The following TMEM123 variants were observed in gnomAD, a reference collection of about 807,000 sequenced individuals.
TMEM123 encodes transmembrane protein 123, also known as porimin.
TMEM123 carries 16 observed loss-of-function variants against 19.7 expected under a neutral mutation model. The observed-to-expected ratio is 0.81, with a 90% CI of 0.55 to 1.23. TMEM123 has a LOEUF of 1.23. Ranked by LOEUF, TMEM123 falls within the 50% of genes most tolerant of loss-of-function variation. TMEM123 has a pLI of 0.00. For synonymous variants in TMEM123, 118 were observed against 99.4 expected, an observed-to-expected ratio of 1.19 and a Z score of -1.12; for missense variants, 313 against 257.8, an observed-to-expected ratio of 1.21 and a Z score of -1.47.
At chr11:102,402,853 C>T in intron 2 of TMEM123, among the ~76,000 whole-genome samples, 1 of 152,196 alleles carries the variant, frequency 6.6e-6, no homozygotes, top group South Asian at 2.1e-4. Flanking sequence ...GAAAGTTTTA[C>T]AAGTCCAAAA....
intron 3 of TMEM123, 66 bp from the exon 4 acceptor site, chr11:102,401,758 GCTCT>G (rs900775568): frequency 6.0e-5 from 90 of 1,506,286 alleles, no homozygotes; most frequent in Middle Eastern, 3.8e-4. Flanking sequence ...TGTAATTAAA[GCTCT>G]CTGATTTTCT....
intron 2 of TMEM123, among the ~76,000 whole-genome samples, chr11:102,437,930 A>G (rs973540432): frequency 6.6e-6 from 1 of 152,150 alleles, no homozygotes; most frequent in Non-Finnish European, 1.5e-5. Flanking sequence ...TGCAGGTCTC[A>G]GCTCAGATGA....
At chr11:102,411,377 T>C (rs1423258817) in intron 2 of TMEM123, among the ~76,000 whole-genome samples, 2 of 152,180 alleles carry the variant, frequency 1.3e-5, no homozygotes, top group Non-Finnish European at 2.9e-5. Context: ...ATCTCTTCCA[T>C]TTGGCTGCTC....
At position 102,412,377 on chromosome 11, in the gene TMEM123, G is replaced by A. The variant is rs1482766925; in HGVS notation, c.158-10171C>T. Reference sequence around the variant, plus strand: ...CAGGAGGCGGAGGTTGCAGTGAGCCGAGATCGTACCATTGCACTCCAGCCT... The same window carrying A: ...CAGGAGGCGGAGGTTGCAGTGAGCCAAGATCGTACCATTGCACTCCAGCCT... On this transcript the variant is annotated intron_variant, in intron 2 of 4. Coordinates refer to ENST00000398136, the MANE Select transcript of TMEM123 (RefSeq NM_052932.3). Among the ~76,000 whole-genome samples, 5 of 152,144 alleles carry A rather than the reference G, an allele frequency of 3.3e-5. No homozygotes were observed. In the South Asian group the frequency reaches 6.2e-4, roughly 19 times the overall value.
chr11:102,413,693 A>C (rs1034272313), intron 2 of TMEM123, among the ~76,000 whole-genome samples: 1 of 152,214 alleles, frequency 6.6e-6, no homozygotes. Flanking sequence ...GCCACAGTCA[A>C]ATCAAGGGCA....
intron 2 of TMEM123, among the ~76,000 whole-genome samples, chr11:102,430,939 A>G (rs116567971): frequency 3.9e-5 from 6 of 152,340 alleles, no homozygotes; most frequent in Middle Eastern, 3.4e-3. Flanking sequence ...AGGGACCACT[A>G]AACTAGTGAA....
At chr11:102,426,451 CTT>C (rs140836722) in intron 2 of TMEM123, among the ~76,000 whole-genome samples, 39 of 143,128 alleles carry the variant, frequency 2.7e-4, no homozygotes, top group Non-Finnish European at 2.8e-4. Context: ...TATTTATTAT[CTT>C]TTTTTTTTTT....
Position 102,398,207 on chromosome 11 carries a change from T to G in TMEM123, c.*660A>C, listed in dbSNP as rs1232896296. ...ATCAACATTGAAAGCTCAAAAGAAGTTAATAAAAATATGTGCTCCTTAATG... is the reference window on the plus strand; with the variant it reads ...ATCAACATTGAAAGCTCAAAAGAAGGTAATAAAAATATGTGCTCCTTAATG... On this transcript the variant is annotated 3_prime_UTR_variant, in exon 5 of 5. Transcript: ENST00000398136. 2 of 171,710 alleles carry G rather than the reference T, an allele frequency of 1.2e-5. No homozygotes were observed. The highest frequency in any genetic ancestry group is 4.7e-5 in the African/African-American group (2 of 42,404). The allele number at this position is 171,710 out of a possible 1,614,324, so 10.6% of individuals were successfully genotyped here. A position where few individuals can be genotyped will look rare whatever the true frequency, so the allele number is the denominator to read the frequency against.
rs534135212 is a variant in TMEM123 at position 102,404,669 on chromosome 11, G to A, written c.158-2463C>T. ...CTGGAGGGCCGGTGCCTGCGATCTCGGCTCACTGTAACCTCTGCCTCCCAG... is the reference window on the plus strand; with the variant it reads ...CTGGAGGGCCGGTGCCTGCGATCTCAGCTCACTGTAACCTCTGCCTCCCAG... On this transcript the variant is annotated intron_variant, in intron 2 of 4. Transcript: ENST00000398136. Among the ~76,000 whole-genome samples the A allele has an allele frequency of 2.5e-4, 38 of 152,048 alleles. No homozygotes were observed. In the East Asian group the frequency reaches 4.5e-3, roughly 18 times the overall value.
intron 2 of TMEM123, among the ~76,000 whole-genome samples, chr11:102,431,511 G>A (rs1364715394): frequency 6.6e-6 from 1 of 152,152 alleles, no homozygotes; most frequent in East Asian, 1.9e-4. Context: ...TCTTCTCTGA[G>A]GCTCTGTATC....
intron 2 of TMEM123, among the ~76,000 whole-genome samples, chr11:102,428,329 T>G (rs992149807): frequency 6.6e-6 from 1 of 152,096 alleles, no homozygotes; most frequent in East Asian, 1.9e-4. Flanking sequence ...TGAGATGGAG[T>G]CTCACTCTGT....
rs540530722 is a variant in TMEM123 at position 102,430,768 on chromosome 11, G to C, written c.157+18044C>G. On this transcript the variant is annotated intron_variant, in intron 2 of 4. Coordinates refer to ENST00000398136, the MANE Select transcript of TMEM123 (RefSeq NM_052932.3). Reference sequence around the variant, plus strand: ...TGGCTATACTCTCTTAGCCGCATGAGACAGCCATCTTTCTATAATCAGCTC... The same window carrying C: ...TGGCTATACTCTCTTAGCCGCATGACACAGCCATCTTTCTATAATCAGCTC... Among the ~76,000 whole-genome samples the C allele has an allele frequency of 2.3e-3, 343 of 152,308 alleles. 2 individuals carry two copies. Among genetic ancestry groups the C allele is most frequent in the African/African-American group, 7.7e-3 (320 of 41,554 alleles).
At chr11:102,447,020 C>G (rs1447411296) in intron 2 of TMEM123, among the ~76,000 whole-genome samples, 13 of 152,182 alleles carry the variant, frequency 8.5e-5, no homozygotes, top group Admixed American at 5.9e-4. Flanking sequence ...TAAAAATACA[C>G]AAACTTAACA....
intron 2 of TMEM123, among the ~76,000 whole-genome samples, chr11:102,439,124 G>A (rs1857797215): frequency 6.6e-6 from 1 of 152,200 alleles, no homozygotes; most frequent in Non-Finnish European, 1.5e-5. Context: ...CACAGCTCAA[G>A]GAGGCCTGCC....
At chr11:102,414,435 C>T (rs1351408272) in intron 2 of TMEM123, among the ~76,000 whole-genome samples, 2 of 152,098 alleles carry the variant, frequency 1.3e-5, no homozygotes, top group African/African-American at 2.4e-5. Context: ...AGGAAAAATA[C>T]TAAAGACAGA....
intron 2 of TMEM123, among the ~76,000 whole-genome samples, chr11:102,418,816 T>C (rs1362782560): frequency 6.6e-6 from 1 of 152,168 alleles, no homozygotes; most frequent in Non-Finnish European, 1.5e-5. Context: ...CACCATGGAA[T>C]ACTACACAGC....
At position 102,432,471 on chromosome 11, in the gene TMEM123, G is replaced by A. The variant is rs183069921; in HGVS notation, c.157+16341C>T. ...CTAGAGATCTGTGGAACTAGAACTC[G>A]AGAGACACGATTTAGGGTACCTGGC... On this transcript the variant is annotated intron_variant, in intron 2 of 4. Transcript: ENST00000398136. 9.3e-4 allele frequency among the ~76,000 whole-genome samples: 141 copies of A among 152,306 alleles called. 1 individual carries two copies. Among genetic ancestry groups the A allele is most frequent in the Middle Eastern group, 3.4e-3 (1 of 294 alleles).
chr11:102,409,645 C>T (rs930557144), intron 2 of TMEM123, among the ~76,000 whole-genome samples: 32 of 151,992 alleles, frequency 2.1e-4, no homozygotes, highest in African/African-American at 6.8e-4. Flanking sequence ...GGCGGGCAGG[C>T]GGGCAGATCA....
chr11:102,449,148 A>G, intron 1 of TMEM123: 1 of 322,080 alleles, frequency 3.1e-6, no homozygotes, highest in East Asian at 6.7e-5. Flanking sequence ...CAGCTTTGCC[A>G]AAATTCATTT....
Sources: allele counts gnomAD v4.1 joint callset (sites outside exome capture counted in the v4.1 genomes callset), GRCh38; gene constraint gnomAD v4.1.1; transcripts MANE v1.5; gene names NCBI Gene and HGNC (gene_info 2026-07-23, HGNC 2026-07-21).